DIP2C: variants seen among roughly 807,000 people sequenced by gnomAD.
The protein encoded by DIP2C is DIP2 acetate--CoA ligase C (putative).
DIP2C carries 33 observed loss-of-function variants against 192.4 expected under a neutral mutation model. That is an observed-to-expected ratio of 0.17 (90% CI 0.13 to 0.23). DIP2C has a LOEUF of 0.23. DIP2C is among the 10% of genes least tolerant of loss of function. The pLI is 1.00. For synonymous variants in DIP2C, 979 were observed against 864.1 expected, an observed-to-expected ratio of 1.13 and a Z score of -2.33; for missense variants, 1,537 against 2,110.1, an observed-to-expected ratio of 0.73 and a Z score of 5.32.
At chr10:611,667 T>C (rs940635754) in intron 1 of DIP2C, among the ~76,000 whole-genome samples, 2 of 152,204 alleles carry the variant, frequency 1.3e-5, no homozygotes, top group South Asian at 2.1e-4. Context: ...TTCCTTTTTT[T>C]CCATCTTCCC....
chr10:295,892 GT>G (rs1955732342), intron 32 of DIP2C, among the ~76,000 whole-genome samples: 1 of 152,142 alleles, frequency 6.6e-6, no homozygotes, highest in Non-Finnish European at 1.5e-5. Flanking sequence ...ATTTTTTCAT[GT>G]GTTTTTTGGC....
At chr10:509,952 A>C (rs1280507989) in intron 1 of DIP2C, among the ~76,000 whole-genome samples, 1 of 152,210 alleles carries the variant, frequency 6.6e-6, no homozygotes, top group Non-Finnish European at 1.5e-5. Flanking sequence ...TTTCACAGCA[A>C]AAGTGGCACA....
intron 12 of DIP2C, 47 bp downstream of exon 12, chr10:390,217 G>A (rs766836555): frequency 1.3e-6 from 2 of 1,598,276 alleles, no homozygotes; most frequent in Admixed American, 3.3e-5. Flanking sequence ...ACACGTTAGT[G>A]CCAAGGCCAC....
chr10:463,661 CA>C (rs1304905044), intron 3 of DIP2C, among the ~76,000 whole-genome samples: 2 of 152,004 alleles, frequency 1.3e-5, no homozygotes, highest in African/African-American at 4.8e-5. Flanking sequence ...CATATGGAAC[CA>C]AAAAACAGAG....
At chr10:303,410 G>C (rs1956151150) in intron 32 of DIP2C, among the ~76,000 whole-genome samples, 2 of 152,080 alleles carry the variant, frequency 1.3e-5, no homozygotes, top group East Asian at 1.9e-4. Flanking sequence ...TTTCTATGTT[G>C]TAAATTCCTT....
intron 1 of DIP2C, among the ~76,000 whole-genome samples, chr10:546,372 A>G (rs1848288365): frequency 3.3e-5 from 5 of 152,194 alleles, no homozygotes; most frequent in Admixed American, 3.3e-4. Flanking sequence ...ACCATTTTCC[A>G]AAATAAGCAG....
At chr10:621,674 C>T (rs1296434859) in intron 1 of DIP2C, among the ~76,000 whole-genome samples, 9 of 152,228 alleles carry the variant, frequency 5.9e-5, no homozygotes, top group Admixed American at 5.9e-4. Flanking sequence ...ACTCACCCTT[C>T]CGCCTCCATC....
rs1348904371 is a variant in DIP2C at position 357,831 on chromosome 10, G to A, written c.2901C>T (p.Arg967=). ...GACTCAGGGACCCAGCTCCTACCTT[G>A]CGTGCCTGGTCGTTATCTTCGATCT... ...LGQIEDNDQA[R]KFLFLSEVLQ... is the part of the protein sequence containing the mutation. The change falls in exon 23 of 37, where the codon CGC becomes CGT. Residue 967 remains arginine, a synonymous_variant. Coordinates refer to ENST00000280886, the MANE Select transcript of DIP2C (RefSeq NM_014974.3). The A allele has an allele frequency of 2.5e-6, 4 of 1,611,576 alleles. No homozygotes were observed. The African/African-American group carries it at 4.0e-5, about 16-fold the overall frequency.
chr10:311,371 G>A (rs1227896200), intron 31 of DIP2C, among the ~76,000 whole-genome samples: 1 of 152,252 alleles, frequency 6.6e-6, no homozygotes, highest in Non-Finnish European at 1.5e-5. Context: ...CTACGCGTGA[G>A]GCCTGAACGT....
chr10:582,110 G>C (rs1210023565), intron 1 of DIP2C, among the ~76,000 whole-genome samples: 2 of 152,140 alleles, frequency 1.3e-5, no homozygotes, highest in Non-Finnish European at 2.9e-5. Context: ...TCCAAGAGGA[G>C]GCGGAGCTCA....
At chr10:600,073 G>A (rs61832968) in intron 1 of DIP2C, among the ~76,000 whole-genome samples, 6 of 152,188 alleles carry the variant, frequency 3.9e-5, no homozygotes, top group Middle Eastern at 3.2e-3. Flanking sequence ...CCAGGCAGAG[G>A]GGAAAGAGGA....
intron 29 of DIP2C, among the ~76,000 whole-genome samples, chr10:338,723 G>A (rs994394385): frequency 8.5e-5 from 13 of 152,258 alleles, no homozygotes; most frequent in African/African-American, 2.6e-4. Flanking sequence ...GGCTGCTGCC[G>A]ATTCTTAGAA....
intron 1 of DIP2C, among the ~76,000 whole-genome samples, chr10:509,602 C>A (rs1225922760): frequency 6.6e-6 from 1 of 152,216 alleles, no homozygotes; most frequent in Non-Finnish European, 1.5e-5. Flanking sequence ...TGACCTCACT[C>A]TGCGCCAGGA....
intron 1 of DIP2C, among the ~76,000 whole-genome samples, chr10:648,724 C>G (rs749858506): frequency 1.1e-4 from 16 of 148,166 alleles, no homozygotes; most frequent in Non-Finnish European, 2.2e-4. Context: ...CAGAGCGAAA[C>G]TGAGTCCACG....
At chr10:480,794 A>G (rs1843547366) in intron 2 of DIP2C, among the ~76,000 whole-genome samples, 1 of 152,216 alleles carries the variant, frequency 6.6e-6, no homozygotes, top group Non-Finnish European at 1.5e-5. Context: ...TCCGGCAGCT[A>G]AGCGTGGTAC....
chr10:351,457 C>T (rs933886339), intron 24 of DIP2C, among the ~76,000 whole-genome samples: 8 of 152,196 alleles, frequency 5.3e-5, no homozygotes, highest in South Asian at 2.1e-4. Context: ...GGGGAGGCGG[C>T]CCACGTCACT....
chr10:366,139 G>A, intron 19 of DIP2C, 136 bp downstream of exon 19: 2 of 1,240,056 alleles, frequency 1.6e-6, no homozygotes, highest in South Asian at 3.0e-5. Context: ...GTGGTAAAGT[G>A]CCATCGTTTT....
At chr10:499,563 T>C (rs1186985593) in intron 1 of DIP2C, among the ~76,000 whole-genome samples, 1 of 152,112 alleles carries the variant, frequency 6.6e-6, no homozygotes, top group African/African-American at 2.4e-5. Context: ...ACTGAAATAG[T>C]ACCATATAAT....
At chr10:502,919 A>C (rs1845340925) in intron 1 of DIP2C, among the ~76,000 whole-genome samples, 1 of 152,166 alleles carries the variant, frequency 6.6e-6, no homozygotes, top group Non-Finnish European at 1.5e-5. Flanking sequence ...CCACAACTCC[A>C]ACATAAATCC....
Sources: allele counts gnomAD v4.1 joint callset (sites outside exome capture counted in the v4.1 genomes callset), GRCh38; gene constraint gnomAD v4.1.1; transcripts MANE v1.5; gene names NCBI Gene and HGNC (gene_info 2026-07-23, HGNC 2026-07-21).